NKAIN2: variants seen among roughly 807,000 people sequenced by gnomAD.
NKAIN2 encodes the protein sodium/potassium-transporting ATPase subunit beta-1-interacting protein 2.
A neutral mutation model predicts 32.6 loss-of-function variants in NKAIN2; 14 were observed. The ratio of observed to expected loss-of-function variants is 0.43; its 90% confidence interval spans 0.28 to 0.67. The LOEUF is 0.67. Among genes scored for constraint, NKAIN2 ranks in the 30% least tolerant of loss-of-function variants. The probability of loss-of-function intolerance (pLI) is 0.17; values close to 1 mark genes in which losing one functional copy is unlikely to be tolerated. For missense variants in NKAIN2, 198 were observed against 258.3 expected, an observed-to-expected ratio of 0.77 and a Z score of 1.60; for synonymous variants, 80 against 87.2, an observed-to-expected ratio of 0.92 and a Z score of 0.46.
chr6:124,136,636 C>T (rs373179269), intron 1 of NKAIN2, among the ~76,000 whole-genome samples: 5 of 152,172 alleles, frequency 3.3e-5, no homozygotes, highest in African/African-American at 1.2e-4. Context: ...AACCCAACAG[C>T]GTCTCACAAA....
intron 1 of NKAIN2, among the ~76,000 whole-genome samples, chr6:123,923,140 A>G (rs1775831934): frequency 6.6e-6 from 1 of 152,026 alleles, no homozygotes; most frequent in South Asian, 2.1e-4. Flanking sequence ...AAACAAAAAA[A>G]AGACAAAAAA....
At chr6:124,563,195 C>T (rs985568216) in intron 3 of NKAIN2, among the ~76,000 whole-genome samples, 3 of 151,968 alleles carry the variant, frequency 2.0e-5, no homozygotes, top group Admixed American at 6.6e-5. Context: ...TGAGCCACTG[C>T]GCCCGGCCAA....
chr6:123,822,654 G>A (rs757532104), intron 1 of NKAIN2, among the ~76,000 whole-genome samples: 16 of 152,136 alleles, frequency 1.1e-4, no homozygotes, highest in Admixed American at 9.2e-4. Context: ...TTTTGGAGGT[G>A]TAGTGGGGGT....
chr6:123,994,090 A>G (rs1180825606), intron 1 of NKAIN2, among the ~76,000 whole-genome samples: 1 of 152,190 alleles, frequency 6.6e-6, no homozygotes, highest in Non-Finnish European at 1.5e-5. Context: ...TACTGAGAGT[A>G]GAATACTCTT....
chr6:124,100,194 G>A lies in NKAIN2; in HGVS notation c.55-182811G>A, dbSNP rs901353363. ...TTTCCTGATCCTTGAGACACAAAGC[G>A]ATGCTTGAGTGCATCTTTTGAATTA... On this transcript the variant is annotated intron_variant, in intron 1 of 6. Coordinates refer to ENST00000368417, the MANE Select transcript of NKAIN2 (RefSeq NM_001040214.3). Among the ~76,000 whole-genome samples, 7 of 152,320 alleles carry A rather than the reference G, an allele frequency of 4.6e-5. No individual in the cohort carries two copies. The East Asian group carries it at 1.2e-3, about 25-fold the overall frequency.
At chr6:124,421,852 G>A (rs1275326663) in intron 3 of NKAIN2, among the ~76,000 whole-genome samples, 2 of 152,128 alleles carry the variant, frequency 1.3e-5, no homozygotes, top group Admixed American at 6.5e-5. Flanking sequence ...CGCGGGAAAC[G>A]TATGTCCGGC....
intron 1 of NKAIN2, among the ~76,000 whole-genome samples, chr6:123,916,732 ATG>A (rs537844977): frequency 0.018 from 2,653 of 150,298 alleles, 79 homozygotes; most frequent in African/African-American, 0.059. Context: ...GTAGATATAT[ATG>A]TGTGTGTGTG....
intron 3 of NKAIN2, among the ~76,000 whole-genome samples, chr6:124,497,133 A>G (rs982603597): frequency 6.6e-6 from 1 of 152,198 alleles, no homozygotes; most frequent in African/African-American, 2.4e-5. Context: ...ATCTGAAAAC[A>G]TATAAAAGAT....
chr6:124,820,464 T>C (rs1781348808), intron 6 of NKAIN2, among the ~76,000 whole-genome samples: 1 of 152,336 alleles, frequency 6.6e-6, no homozygotes, highest in Non-Finnish European at 1.5e-5. Context: ...ACGTAGGATA[T>C]GTCACATAGT....
intron 1 of NKAIN2, among the ~76,000 whole-genome samples, chr6:124,024,075 A>G (rs1442983354): frequency 6.6e-6 from 1 of 152,138 alleles, no homozygotes; most frequent in Non-Finnish European, 1.5e-5. Flanking sequence ...AATGGGAAAG[A>G]TGGTTTGTTA....
At chr6:124,336,371 T>C (rs1009317443) in intron 2 of NKAIN2, among the ~76,000 whole-genome samples, 2 of 152,174 alleles carry the variant, frequency 1.3e-5, no homozygotes, top group African/African-American at 2.4e-5. Flanking sequence ...AGAAATCTCA[T>C]GTGTGCCTCT....
intron 1 of NKAIN2, among the ~76,000 whole-genome samples, chr6:123,933,318 C>G (rs1373774256): frequency 3.9e-5 from 6 of 152,080 alleles, no homozygotes; most frequent in Non-Finnish European, 8.8e-5. Context: ...CTATATTTTG[C>G]AGTGACCATT....
chr6:124,599,734 C>T (rs1327978954), intron 3 of NKAIN2, among the ~76,000 whole-genome samples: 2 of 152,092 alleles, frequency 1.3e-5, no homozygotes, highest in Non-Finnish European at 2.9e-5. Context: ...CATTAAGTAA[C>T]TTTCTTTTGC....
At chr6:123,959,866 C>T (rs1056003200) in intron 1 of NKAIN2, among the ~76,000 whole-genome samples, 2 of 150,658 alleles carry the variant, frequency 1.3e-5, no homozygotes, top group African/African-American at 4.9e-5. Context: ...GGATTATCAG[C>T]CTAGGCAACA....
chr6:124,177,772 C>CTTT lies in NKAIN2; in HGVS notation c.55-105233_55-105232insTTT, dbSNP rs1232024110. 7.2e-5 allele frequency among the ~76,000 whole-genome samples: 2 copies of CTTT among 27,702 alleles called. 1 individual carries two copies. Among genetic ancestry groups the CTTT allele is most frequent in the Non-Finnish European group, 1.6e-4 (2 of 12,416 alleles). The allele number at this position is 27,702 out of a possible 152,430, so 18.2% of individuals were successfully genotyped here. A position where few individuals can be genotyped will look rare whatever the true frequency, so the allele number is the denominator to read the frequency against. ...AGGCGCAACGGAGTTTCTGTTCATC[C>CTTT]ATTTTTTTTTTTTTTTTTTTTTTTT... On this transcript the variant is annotated intron_variant, in intron 1 of 6. Coordinates refer to ENST00000368417, the MANE Select transcript of NKAIN2 (RefSeq NM_001040214.3).
intron 3 of NKAIN2, among the ~76,000 whole-genome samples, chr6:124,572,379 G>T (rs1049789172): frequency 6.6e-6 from 1 of 152,166 alleles, no homozygotes; most frequent in African/African-American, 2.4e-5. Context: ...CATACTAAAT[G>T]TACTAAATTA....
At chr6:124,155,422 A>G (rs1189118254) in intron 1 of NKAIN2, among the ~76,000 whole-genome samples, 2 of 152,112 alleles carry the variant, frequency 1.3e-5, no homozygotes, top group Non-Finnish European at 2.9e-5. Context: ...TACCCCATAA[A>G]TATGTATAAT....
chr6:124,495,203 G>A (rs1156728690), intron 3 of NKAIN2, among the ~76,000 whole-genome samples: 1 of 151,874 alleles, frequency 6.6e-6, no homozygotes, highest in Non-Finnish European at 1.5e-5. Context: ...TTAGGGTAGG[G>A]GTTTATTTCC....
intron 2 of NKAIN2, among the ~76,000 whole-genome samples, chr6:124,310,825 T>G (rs1284441503): frequency 6.6e-6 from 1 of 152,134 alleles, no homozygotes; most frequent in Admixed American, 6.6e-5. Flanking sequence ...GAAGTGATAC[T>G]AACAATGAGA....
Sources: gnomAD v4.1 joint callset for allele counts (sites outside exome capture counted in the v4.1 genomes callset) on GRCh38, gnomAD v4.1.1 for gene constraint, MANE v1.5 for transcripts, NCBI Gene and HGNC (gene_info 2026-07-23, HGNC 2026-07-21) for gene names.